MACO1: variants seen among roughly 807,000 people sequenced by gnomAD.
MACO1 encodes the protein macoilin.
MACO1 carries 14 observed loss-of-function variants against 78.7 expected under a neutral mutation model. The observed-to-expected ratio is 0.18, with a 90% CI of 0.12 to 0.28. The LOEUF (loss-of-function observed/expected upper bound fraction) is 0.28, where lower values mean the gene tolerates loss of function less well. MACO1 is among the 10% of genes least tolerant of loss of function. The pLI is 1.00. For synonymous variants in MACO1, 288 were observed against 291.6 expected, an observed-to-expected ratio of 0.99 and a Z score of 0.12; for missense variants, 501 against 799.0, an observed-to-expected ratio of 0.63 and a Z score of 4.50.
At chr1:25,469,896 G>A (rs1264542198) in intron 6 of MACO1, among the ~76,000 whole-genome samples, 1 of 152,050 alleles carries the variant, frequency 6.6e-6, no homozygotes, top group Non-Finnish European at 1.5e-5. Flanking sequence ...AAAGTGCTGG[G>A]ATTACAGGCA....
At position 25,480,839 on chromosome 1, in the gene MACO1, G is replaced by A. The variant is rs551380131; in HGVS notation, c.1155-3277G>A. ...CCGGCTACTCGGGAGGCTGAGGCAG[G>A]AGAATTGCTTGAACCCAGGAGGGGG... On this transcript the variant is annotated intron_variant, in intron 6 of 10. Transcript: ENST00000374343. 2.0e-3 allele frequency among the ~76,000 whole-genome samples: 303 copies of A among 148,444 alleles called. 1 individual carries two copies. The highest frequency in any genetic ancestry group is 3.5e-3 in the Non-Finnish European group (234 of 67,482).
chr1:25,457,329 C>G (rs994131555), intron 5 of MACO1, among the ~76,000 whole-genome samples: 2 of 152,134 alleles, frequency 1.3e-5, no homozygotes, highest in African/African-American at 4.8e-5. Flanking sequence ...TCAGGCTAGT[C>G]TCAAACTCCT....
chr1:25,485,451 A>G lies in MACO1; in HGVS notation c.1314-162A>G, dbSNP rs1042321870. Among the ~76,000 whole-genome samples the G allele has an allele frequency of 6.6e-6, 1 of 152,228 alleles. No individual in the cohort carries two copies. The highest frequency in any genetic ancestry group is 1.5e-5 in the Non-Finnish European group (1 of 68,042). Reference sequence around the variant, plus strand: ...ATTGGTGTTTAGGAATTATTAAAGAATAACAGTGTGTTTTCCTCAGGCATT... The same window carrying G: ...ATTGGTGTTTAGGAATTATTAAAGAGTAACAGTGTGTTTTCCTCAGGCATT... On this transcript the variant is annotated intron_variant, in intron 7 of 10. Transcript: ENST00000374343. The surrounding 1 kb of genome is among the most constrained non-coding windows in gnomAD (Gnocchi z 4.3).
intron 3 of MACO1, 107 bp from the exon 4 acceptor site, chr1:25,454,152 T>C: frequency 7.8e-7 from 1 of 1,279,586 alleles, no homozygotes; most frequent in East Asian, 2.8e-5. Flanking sequence ...TTAGTTTAGG[T>C]GAAGGTCTTA....
At chr1:25,495,613 C>T (rs999008274) in intron 10 of MACO1, among the ~76,000 whole-genome samples, 1 of 152,156 alleles carries the variant, frequency 6.6e-6, no homozygotes, top group African/African-American at 2.4e-5. Flanking sequence ...TTAAATCAAA[C>T]CTCTTGTTGC....
chr1:25,444,438 G>A (rs2042998360), intron 1 of MACO1, among the ~76,000 whole-genome samples: 1 of 151,978 alleles, frequency 6.6e-6, no homozygotes, highest in African/African-American at 2.4e-5. Flanking sequence ...CCATGGTGGA[G>A]AGGCTGTTAT....
intron 6 of MACO1, among the ~76,000 whole-genome samples, chr1:25,481,668 G>A (rs1190870743): frequency 2.0e-5 from 3 of 152,208 alleles, no homozygotes; most frequent in Non-Finnish European, 4.4e-5. Context: ...GGCTACTTAG[G>A]AGTGAATGAG....
chr1:25,464,167 C>T (rs1304401086), intron 6 of MACO1, among the ~76,000 whole-genome samples: 2 of 152,008 alleles, frequency 1.3e-5, no homozygotes, highest in Non-Finnish European at 2.9e-5. Flanking sequence ...CCATCCCTAC[C>T]CTCCCCTGAC....
intron 1 of MACO1, among the ~76,000 whole-genome samples, chr1:25,433,216 A>T (rs2042890852): frequency 6.6e-6 from 1 of 152,116 alleles, no homozygotes; most frequent in Admixed American, 6.5e-5. Flanking sequence ...GTTTCAACTC[A>T]CTTATCTGTT....
In MACO1 at chr1:25,491,866, A is replaced by T. The variant is rs114922543; in HGVS notation, c.1792+282A>T. On this transcript the variant is annotated intron_variant, in intron 10 of 10. Coordinates refer to ENST00000374343, the MANE Select transcript of MACO1 (RefSeq NM_018202.6). ...TGAAGAAGTAGAGAACTGCAGAGGC[A>T]TCAAAAGGTGCTTAGGTATAAGTAT... Among the ~76,000 whole-genome samples, 592 of 152,366 alleles carry T rather than the reference A, an allele frequency of 3.9e-3. 3 individuals carry two copies. The highest frequency in any genetic ancestry group is 0.014 in the African/African-American group (568 of 41,592).
chr1:25,498,457 G>C lies in MACO1; in HGVS notation c.1986G>C (p.Leu662=). The C allele has an allele frequency of 6.2e-7, 1 of 1,608,336 alleles. No individual in the cohort carries two copies. The highest frequency in any genetic ancestry group is 1.1e-5 in the South Asian group (1 of 90,170). The change falls in exon 11 of 11, where the codon CTG becomes CTC. Residue 662 remains leucine (L), a synonymous_variant. Coordinates refer to ENST00000374343, the MANE Select transcript of MACO1 (RefSeq NM_018202.6). ...LDPNASVYQP[L]KK Reference sequence around the variant, plus strand: ...CCAATGCCTCTGTTTACCAGCCCCTGAAGAAATGAAGGCCAGCTGTGTGTT... The same window carrying C: ...CCAATGCCTCTGTTTACCAGCCCCTCAAGAAATGAAGGCCAGCTGTGTGTT...
At chr1:25,489,716 G>T (rs2043467747) in intron 9 of MACO1, among the ~76,000 whole-genome samples, 1 of 152,182 alleles carries the variant, frequency 6.6e-6, no homozygotes. Flanking sequence ...TGATAGGAAA[G>T]GTGCTAGTGC....
rs571088267 is a variant in MACO1 at position 25,449,192 on chromosome 1, A to T, written c.349+258A>T. Among the ~76,000 whole-genome samples, 13 of 151,846 alleles carry T rather than the reference A, an allele frequency of 8.6e-5. No homozygotes were observed. In the East Asian group the frequency reaches 9.7e-4, roughly 11 times the overall value. On this transcript the variant is annotated intron_variant, in intron 3 of 10. Transcript: ENST00000374343. Reference sequence around the variant, plus strand: ...CTCTCACTCTGAATATATCTTTTTAAAAAAAAAATAGTTGGACTGATTTCT... The same window carrying T: ...CTCTCACTCTGAATATATCTTTTTATAAAAAAAATAGTTGGACTGATTTCT...
At position 25,499,370 on chromosome 1, in the gene MACO1, T is replaced by G. The variant is rs2043566737; in HGVS notation, c.*904T>G. 6.6e-6 allele frequency: 1 copy of G among 151,968 alleles called. No individual in the cohort carries two copies. Among genetic ancestry groups the G allele is most frequent in the African/African-American group, 2.4e-5 (1 of 41,374 alleles). The allele number at this position is 151,968 out of a possible 1,614,324, so 9.4% of individuals were successfully genotyped here. A position where few individuals can be genotyped will look rare whatever the true frequency, so the allele number is the denominator to read the frequency against. On this transcript the variant is annotated 3_prime_UTR_variant, in exon 11 of 11. Transcript: ENST00000374343. ...TGCACTTGCCTCCAGTAAAGTGCCC[T>G]GGGAAGGGAGCTGGGCAGTGTTTGT...
rs1225541525 is a variant in MACO1, at chr1:25,499,850, C to T, written c.*1384C>T. On this transcript the variant is annotated 3_prime_UTR_variant, in exon 11 of 11. Coordinates refer to ENST00000374343, the MANE Select transcript of MACO1 (RefSeq NM_018202.6). Reference sequence around the variant, plus strand: ...ATTGGCATGTACGTCTCATTTAAAGCAAATTAAGTAGGACAAGCAAGTCAG... The same window carrying T: ...ATTGGCATGTACGTCTCATTTAAAGTAAATTAAGTAGGACAAGCAAGTCAG... 6.6e-6 allele frequency: 1 copy of T among 152,052 alleles called. No homozygotes were observed. 9.4% of individuals were successfully genotyped at this position (152,052 alleles called of 1,614,324 possible).
At chr1:25,491,911 A>C (rs1024242181) in intron 10 of MACO1, among the ~76,000 whole-genome samples, 1 of 152,228 alleles carries the variant, frequency 6.6e-6, no homozygotes, top group Admixed American at 6.5e-5. Flanking sequence ...CTGAGGGAAC[A>C]TAGAAAGAGT....
At chr1:25,468,196 A>G (rs2043236114) in intron 6 of MACO1, among the ~76,000 whole-genome samples, 1 of 152,154 alleles carries the variant, frequency 6.6e-6, no homozygotes, top group Non-Finnish European at 1.5e-5. Context: ...TCTAAATAGA[A>G]GGGAGCCAGC....
chr1:25,483,638 A>G (rs1375410089), intron 6 of MACO1, among the ~76,000 whole-genome samples: 2 of 152,232 alleles, frequency 1.3e-5, no homozygotes, highest in Admixed American at 1.3e-4. Context: ...AGGTCGTCGC[A>G]GACCGTTTTC....
chr1:25,458,310 T>C (rs1022460041), intron 5 of MACO1, 81 bp from the exon 6 acceptor site: 1 of 1,499,456 alleles, frequency 6.7e-7, no homozygotes, highest in Non-Finnish European at 8.9e-7. Flanking sequence ...GATAATAGTT[T>C]GTTGAATTAA....
Sources: allele counts gnomAD v4.1 joint callset (sites outside exome capture counted in the v4.1 genomes callset), GRCh38; gene constraint gnomAD v4.1.1; non-coding constraint Gnocchi (gnomAD v3.1); transcripts MANE v1.5; gene names NCBI Gene and HGNC (gene_info 2026-07-23, HGNC 2026-07-21).